GLOD4: variants seen among roughly 807,000 people sequenced by gnomAD.
GLOD4 encodes glyoxalase domain-containing protein 4.
A neutral mutation model predicts 39.1 loss-of-function variants in GLOD4; 44 were observed. The observed-to-expected ratio is 1.13, with a 90% confidence interval of 0.88 to 1.45. The LOEUF is 1.45. Ranked by LOEUF, GLOD4 falls within the 40% of genes most tolerant of loss-of-function variation. The pLI, the probability that GLOD4 is intolerant of heterozygous loss-of-function variation, is 0.00. For synonymous variants in GLOD4, 145 were observed against 135.0 expected (o/e 1.07, Z -0.52); for missense variants, 405 against 366.4 (o/e 1.11, Z -0.86).
intron 1 of GLOD4, chr17:781,864 G>A (rs1475770910): frequency 5.1e-5 from 21 of 409,120 alleles, no homozygotes; most frequent in Non-Finnish European, 7.0e-5. Flanking sequence ...TTTATTTACC[G>A]TCTTTTCCGG....
intron 8 of GLOD4, among the ~76,000 whole-genome samples, chr17:761,007 G>A (rs564891257): frequency 6.6e-6 from 1 of 152,246 alleles, no homozygotes; most frequent in South Asian, 2.1e-4. Flanking sequence ...CATCCCTTTC[G>A]TTGTTTAGTA....
chr17:770,653 C>T, intron 5 of GLOD4, 146 bp from the exon 6 acceptor site: 2 of 590,112 alleles, frequency 3.4e-6, no homozygotes, highest in South Asian at 2.2e-5. Context: ...AACTAGTCCA[C>T]ACTTTCCTGT....
intron 1 of GLOD4, among the ~76,000 whole-genome samples, chr17:781,654 A>G (rs888859135): frequency 1.6e-4 from 25 of 152,130 alleles, no homozygotes; most frequent in Non-Finnish European, 2.4e-4. Context: ...GCTCCTCAGG[A>G]CCCGAGACAG....
In GLOD4 at chr17:778,483, C is replaced by A. The variant is rs1053780623; in HGVS notation, c.140+212G>T. 6.9e-5 allele frequency: 41 copies of A among 598,088 alleles called. 1 individual carries two copies. The East Asian group carries it at 1.1e-3, about 17-fold the overall frequency. 37.0% of individuals were successfully genotyped at this position (598,088 alleles called of 1,614,324 possible). The stretch of plus-strand genomic sequence containing the variant: ...TTCCCGACGCTCCTGAAGTTGCCTC[C>A]CTAATTTACTGCCTTCTTAATTAAT... On this transcript the variant is annotated intron_variant, in intron 2 of 8. Coordinates refer to ENST00000301329, the MANE Select transcript of GLOD4 (RefSeq NM_016080.4).
intron 8 of GLOD4, chr17:764,780 G>T: frequency 6.6e-6 from 1 of 150,698 alleles, no homozygotes; most frequent in Non-Finnish European, 1.5e-5. Flanking sequence ...AGGCCAAGGT[G>T]GGTGGATCAC....
chr17:782,897 A>G (rs1211593224), upstream of GLOD4, among the ~76,000 whole-genome samples: 1 of 152,196 alleles, frequency 6.6e-6, no homozygotes, highest in Non-Finnish European at 1.5e-5. Context: ...CATGTTAGCC[A>G]GGCTGATCTG....
In GLOD4 at chr17:782,279, A is replaced by T; in HGVS notation, c.-24T>A. ...ATGATTCCCGCCGCACGCAGCCGTC[A>T]CGCGCACCGTACAGCCCAGTCCACG... On this transcript the variant is annotated 5_prime_UTR_variant, in exon 1 of 9. Transcript: ENST00000301329. 1 of 1,612,752 alleles carries T rather than the reference A, an allele frequency of 6.2e-7. No individual in the cohort carries two copies. The highest frequency in any genetic ancestry group is 8.5e-7 in the Non-Finnish European group (1 of 1,179,232).
At chr17:782,563 CATCT>C (rs755393191), upstream of GLOD4, 2 of 1,613,924 alleles carry the variant, frequency 1.2e-6, no homozygotes, top group African/African-American at 1.3e-5. Flanking sequence ...CGCAAGGCAC[CATCT>C]GAGGCCAGTG....
At chr17:781,996 C>T in intron 1 of GLOD4, 170 bp downstream of exon 1, 2 of 595,418 alleles carry the variant, frequency 3.4e-6, no homozygotes, top group South Asian at 2.0e-5. Flanking sequence ...GGCCTATGAT[C>T]CCCAACGGCA....
chr17:776,838 A>G, intron 3 of GLOD4, 30 bp downstream of exon 3: 1 of 1,594,270 alleles, frequency 6.3e-7, no homozygotes, highest in East Asian at 2.2e-5. Context: ...ACCCCCAGCC[A>G]AAACTCTGCT....
At chr17:763,420 C>G (rs1462608767) in intron 8 of GLOD4, 1 of 151,914 alleles carries the variant, frequency 6.6e-6, no homozygotes, top group Non-Finnish European at 1.5e-5. Context: ...AGCTACTCTC[C>G]TGAGGCAGGA....
chr17:783,908 A>G (rs2144515657), upstream of GLOD4, among the ~76,000 whole-genome samples: 1 of 152,300 alleles, frequency 6.6e-6, no homozygotes, highest in East Asian at 1.9e-4. Flanking sequence ...ATTAAAAATT[A>G]AGAAAGCGTT....
At chr17:779,263 G>A (rs539446998) in intron 1 of GLOD4, among the ~76,000 whole-genome samples, 4 of 139,868 alleles carry the variant, frequency 2.9e-5, no homozygotes, top group Non-Finnish European at 6.1e-5. Context: ...GCAGTGAGCC[G>A]AGATCGTGCC....
intron 8 of GLOD4, among the ~76,000 whole-genome samples, chr17:761,538 CTT>C (rs377267090): frequency 1.9e-3 from 285 of 152,274 alleles, no homozygotes; most frequent in African/African-American, 5.8e-3. Flanking sequence ...GAGTTTTGCT[CTT>C]GTCGCCCAGG....
chr17:776,362 C>T (rs1375642540), intron 3 of GLOD4, among the ~76,000 whole-genome samples: 1 of 152,200 alleles, frequency 6.6e-6, no homozygotes, highest in Non-Finnish European at 1.5e-5. Flanking sequence ...GAAGACCAGC[C>T]TTGTTTCTGG....
intron 1 of GLOD4, among the ~76,000 whole-genome samples, chr17:780,281 A>G (rs1567796307): frequency 6.6e-6 from 1 of 152,372 alleles, no homozygotes; most frequent in Non-Finnish European, 1.5e-5. Context: ...CACCCTGTTT[A>G]AGAACATAAG....
upstream of GLOD4, chr17:783,248 G>GA (rs1910297317): frequency 6.2e-7 from 1 of 1,613,900 alleles, no homozygotes; most frequent in Admixed American, 1.7e-5. Flanking sequence ...TCGATAAGCT[G>GA]AAAGGTGTCA....
intron 2 of GLOD4, chr17:778,304 A>G: frequency 3.0e-6 from 1 of 336,296 alleles, no homozygotes; most frequent in African/African-American, 2.1e-5. Flanking sequence ...CGTGGCGGAA[A>G]ATCTTCTGGG....
chr17:782,103 C>T, intron 1 of GLOD4, 63 bp downstream of exon 1: 1 of 1,280,234 alleles, frequency 7.8e-7, no homozygotes. Context: ...CTCCCTCCGC[C>T]AGGGCCGGCT....
Sources: allele counts gnomAD v4.1 joint callset (sites outside exome capture counted in the v4.1 genomes callset), GRCh38; gene constraint gnomAD v4.1.1; transcripts MANE v1.5; gene names NCBI Gene and HGNC (gene_info 2026-07-23, HGNC 2026-07-21).